ZNF732: variants seen among roughly 807,000 people sequenced by gnomAD.
The protein encoded by ZNF732 is zinc finger protein LOC654254.
A neutral mutation model predicts 11.5 loss-of-function variants in ZNF732; 12 were observed. The observed-to-expected ratio is 1.05, with a 90% CI of 0.67 to 1.70. The LOEUF is 1.70. Ranked by LOEUF, ZNF732 falls within the 40% of genes most tolerant of loss-of-function variation. The pLI is 0.00. For synonymous variants in ZNF732, 231 were observed against 236.5 expected (o/e 0.98, Z 0.21); for missense variants, 702 against 676.9 (o/e 1.04, Z -0.41).
At chr4:284,407 A>G (rs9328738) in intron 3 of ZNF732, among the ~76,000 whole-genome samples, 39,280 of 152,110 alleles carry the variant, frequency 0.26, 5,277 homozygotes, top group South Asian at 0.38. Context: ...TATCAAAAGT[A>G]GAATGTAACA....
intron 1 of ZNF732, among the ~76,000 whole-genome samples, chr4:300,626 A>G (rs1720097648): frequency 6.6e-6 from 1 of 152,158 alleles, no homozygotes; most frequent in Non-Finnish European, 1.5e-5. Context: ...TCTCAGATAA[A>G]AGTTCTGTGC....
rs142703749 is a variant in ZNF732 at position 299,403 on chromosome 4, GTATA to G, written c.4-3252_4-3249del. Among the ~76,000 whole-genome samples, 48 of 89,714 alleles carry G rather than the reference GTATA, an allele frequency of 5.4e-4. 3 individuals are homozygous for G. The highest frequency in any genetic ancestry group is 6.1e-4 in the East Asian group (2 of 3,256). The allele number at this position is 89,714 out of a possible 152,430, so 58.9% of individuals were successfully genotyped here. On this transcript the variant is annotated intron_variant, in intron 1 of 3. Coordinates refer to ENST00000419098, the MANE Select transcript of ZNF732 (RefSeq NM_001137608.3). ...TATATACACATATGTACACATATGT[GTATA>G]TATATATACACATATATACACATAT...
chr4:277,579 T>C (rs1224129319), intron 3 of ZNF732, among the ~76,000 whole-genome samples: 3 of 151,474 alleles, frequency 2.0e-5, no homozygotes, highest in African/African-American at 7.3e-5. Context: ...TGACTCCAGT[T>C]AGAATGACTG....
At chr4:299,634 A>G (rs1720070318) in intron 1 of ZNF732, among the ~76,000 whole-genome samples, 1 of 141,886 alleles carries the variant, frequency 7.0e-6, no homozygotes, top group African/African-American at 2.6e-5. Context: ...ATATTTGTAT[A>G]TATTTATATA....
intron 3 of ZNF732, among the ~76,000 whole-genome samples, chr4:284,276 G>A (rs1177822942): frequency 1.3e-5 from 2 of 151,824 alleles, no homozygotes; most frequent in Non-Finnish European, 2.9e-5. Flanking sequence ...AGTGAACATT[G>A]AAAATCTTAC....
At chr4:287,807 A>G (rs1211659048) in intron 3 of ZNF732, among the ~76,000 whole-genome samples, 9 of 152,154 alleles carry the variant, frequency 5.9e-5, no homozygotes, top group Admixed American at 2.0e-4. Flanking sequence ...ATAGGTGCTC[A>G]GAAGTAGAAT....
intron 3 of ZNF732, among the ~76,000 whole-genome samples, chr4:293,778 G>A (rs575623665): frequency 6.0e-4 from 91 of 152,030 alleles, no homozygotes; most frequent in Non-Finnish European, 5.3e-4. Context: ...TAAAATATGT[G>A]CATATCAATT....
At chr4:304,735 G>C (rs1553844121) in intron 1 of ZNF732, among the ~76,000 whole-genome samples, 1 of 152,250 alleles carries the variant, frequency 6.6e-6, no homozygotes, top group African/African-American at 2.4e-5. Context: ...TATTCTAAAA[G>C]ATGCCACTCA....
intron 3 of ZNF732, among the ~76,000 whole-genome samples, chr4:293,067 CAAAAA>C (rs1227557602): frequency 0.011 from 369 of 35,132 alleles, 3 homozygotes; most frequent in African/African-American, 0.037. Flanking sequence ...GACTCCATCT[CAAAAA>C]AAAAAAAAAA....
At chr4:285,660 G>C (rs1169504631) in intron 3 of ZNF732, among the ~76,000 whole-genome samples, 1 of 152,166 alleles carries the variant, frequency 6.6e-6, no homozygotes, top group Non-Finnish European at 1.5e-5. Context: ...ACGATTCACA[G>C]TGTGACAGCT....
intron 2 of ZNF732, 82 bp from the exon 3 acceptor site, chr4:295,615 A>G: frequency 8.5e-7 from 1 of 1,182,244 alleles, no homozygotes. Context: ...AGAAAAGAGA[A>G]ATTATGGAAG....
In ZNF732 at chr4:272,409, A is replaced by C; in HGVS notation, c.448T>G (p.Phe150Val). Residue 150 changes from phenylalanine to valine, a missense_variant, in exon 4 of 4, where the codon TTT (phenylalanine) becomes GTT (valine). Physicochemically the swap from Phe to Val is conservative, Grantham distance 50. Coordinates refer to ENST00000419098, the MANE Select transcript of ZNF732 (RefSeq NM_001137608.3). ...IFQCNVHVKV[F>V]STFSNSNQRR... ...TGGTTTGAATTTGAAAATGTACTAA[A>C]TACTTTGACATGTACATTACACTGA... 6.3e-7 allele frequency: 1 copy of C among 1,595,942 alleles called. No homozygotes were observed. Among genetic ancestry groups the C allele is most frequent in the Non-Finnish European group, 8.5e-7 (1 of 1,169,912 alleles).
rs74282718 is a variant in ZNF732 at position 300,137 on chromosome 4, T to C, written c.4-3982A>G. On this transcript the variant is annotated intron_variant, in intron 1 of 3. Coordinates refer to ENST00000419098, the MANE Select transcript of ZNF732 (RefSeq NM_001137608.3). ...ACATTAACATATAAGGTGTGGGTTA[T>C]AGTGTCAAGTATGAAATTATTAGGT... 4.1e-4 allele frequency among the ~76,000 whole-genome samples: 62 copies of C among 151,878 alleles called. No individual in the cohort carries two copies. In the East Asian group the frequency reaches 0.011, roughly 26 times the overall value.
chr4:299,352 C>CACATATATACACATATGTGTATATATAT (rs1560164910), intron 1 of ZNF732, among the ~76,000 whole-genome samples: 2 of 89,366 alleles, frequency 2.2e-5, no homozygotes. Context: ...AGTATATATA[C>CACATATATACACATATGTGTATATATAT]ACATATATAC....
Position 300,471 on chromosome 4 carries a change from A to G in ZNF732, c.4-4316T>C, listed in dbSNP as rs531881364. On this transcript the variant is annotated intron_variant, in intron 1 of 3. Coordinates refer to ENST00000419098, the MANE Select transcript of ZNF732 (RefSeq NM_001137608.3). ...CTCTGTCTCAAAAAAAAAAAAAAAA[A>G]AAAGAAAAGAAAAGAAAAAATTATA... Among the ~76,000 whole-genome samples, 78 of 149,846 alleles carry G rather than the reference A, an allele frequency of 5.2e-4. 1 individual carries two copies. Among genetic ancestry groups the G allele is most frequent in the African/African-American group, 1.7e-3 (70 of 40,022 alleles).
In ZNF732 at chr4:276,811, C is replaced by T. The variant is rs140101630; in HGVS notation, c.227-4181G>A. Among the ~76,000 whole-genome samples, 16 of 151,318 alleles carry T rather than the reference C, an allele frequency of 1.1e-4. 1 individual carries two copies. In the South Asian group the frequency reaches 2.9e-3, roughly 28 times the overall value. ...CAGAAATGGAAAAAACAAACTTAAA[C>T]TTCACAGGGAACCACCAAAGACCCC... On this transcript the variant is annotated intron_variant, in intron 3 of 3. Coordinates refer to ENST00000419098, the MANE Select transcript of ZNF732 (RefSeq NM_001137608.3).
At chr4:299,414 T>C (rs548462161) in intron 1 of ZNF732, among the ~76,000 whole-genome samples, 1,414 of 65,302 alleles carry the variant, frequency 0.022, 31 homozygotes, top group African/African-American at 0.03. Context: ...TATATATATA[T>C]ACACATATAT....
intron 3 of ZNF732, among the ~76,000 whole-genome samples, chr4:289,971 T>G (rs1168889498): frequency 6.6e-6 from 1 of 152,180 alleles, no homozygotes; most frequent in Non-Finnish European, 1.5e-5. Context: ...GTTGAATAAT[T>G]TAAAAGGATG....
At chr4:289,517 A>C (rs1445030626) in intron 3 of ZNF732, among the ~76,000 whole-genome samples, 1 of 152,246 alleles carries the variant, frequency 6.6e-6, no homozygotes, top group Non-Finnish European at 1.5e-5. Context: ...TGTTGAAGAA[A>C]TAATTCACTT....
Sources: allele counts gnomAD v4.1 joint callset (sites outside exome capture counted in the v4.1 genomes callset), GRCh38; gene constraint gnomAD v4.1.1; transcripts MANE v1.5; gene names NCBI Gene and HGNC (gene_info 2026-07-23, HGNC 2026-07-21).